The following DDR2 variants were observed in gnomAD, a reference collection of about 807,000 sequenced individuals.
DDR2 encodes discoidin domain-containing receptor 2.
A neutral mutation model predicts 94.9 loss-of-function variants in DDR2; 27 were observed. The ratio of observed to expected loss-of-function variants is 0.28; its 90% confidence interval spans 0.21 to 0.39. The LOEUF (loss-of-function observed/expected upper bound fraction) is 0.39. DDR2 is among the 10% of genes least tolerant of loss of function. The probability of loss-of-function intolerance (pLI) is 1.00; values close to 1 mark genes in which losing one functional copy is unlikely to be tolerated. For missense variants in DDR2, 783 were observed against 1,076.0 expected, an observed-to-expected ratio of 0.73 and a Z score of 3.81; for synonymous variants, 382 against 377.2, an observed-to-expected ratio of 1.01 and a Z score of -0.15.
chr1:162,651,258 C>G (rs545004501), intron 1 of DDR2, among the ~76,000 whole-genome samples: 3 of 152,300 alleles, frequency 2.0e-5, no homozygotes, highest in African/African-American at 4.8e-5. Flanking sequence ...GTTTTCCCAC[C>G]TCAATCATCT....
intron 2 of DDR2, among the ~76,000 whole-genome samples, chr1:162,694,077 T>C (rs2101981756): frequency 6.6e-6 from 1 of 152,322 alleles, no homozygotes; most frequent in Middle Eastern, 3.4e-3. Context: ...GGTTTCACCA[T>C]GTTGGCCAGG....
At chr1:162,689,972 T>C (rs1218393911) in intron 2 of DDR2, among the ~76,000 whole-genome samples, 3 of 147,760 alleles carry the variant, frequency 2.0e-5, no homozygotes, top group South Asian at 4.3e-4. Flanking sequence ...GCTGAGATCA[T>C]GACACTGCAC....
chr1:162,635,313 A>G (rs374323966), intron 1 of DDR2, among the ~76,000 whole-genome samples: 1 of 151,716 alleles, frequency 6.6e-6, no homozygotes. Flanking sequence ...TGGAGCGGCC[A>G]CCCCCCATAC....
rs528731348 is a variant in DDR2 at position 162,670,349 on chromosome 1, G to T, written c.-28+14975G>T. Reference sequence around the variant, plus strand: ...TCTGGAACTCCTGACCTCGTGATCTGCCTGCCTTGGCCTCCCAAGGTACTG... The same window carrying T: ...TCTGGAACTCCTGACCTCGTGATCTTCCTGCCTTGGCCTCCCAAGGTACTG... On this transcript the variant is annotated intron_variant, in intron 2 of 17. Transcript: ENST00000367921. 3.9e-5 allele frequency among the ~76,000 whole-genome samples: 6 copies of T among 152,260 alleles called. No homozygotes were observed. The East Asian group carries it at 1.2e-3, about 29-fold the overall frequency.
intron 2 of DDR2, among the ~76,000 whole-genome samples, chr1:162,675,405 G>A (rs1040026177): frequency 6.6e-5 from 10 of 152,136 alleles, no homozygotes; most frequent in South Asian, 4.1e-4. Flanking sequence ...GGACGATGGC[G>A]GGACATGGAA....
chr1:162,662,852 T>C (rs1471101484), intron 2 of DDR2, among the ~76,000 whole-genome samples: 1 of 151,782 alleles, frequency 6.6e-6, no homozygotes, highest in Non-Finnish European at 1.5e-5. Flanking sequence ...TATGTGGAGG[T>C]GTCCTAGTCC....
intron 2 of DDR2, among the ~76,000 whole-genome samples, chr1:162,715,795 A>G (rs1163238015): frequency 6.6e-6 from 1 of 152,244 alleles, no homozygotes; most frequent in Non-Finnish European, 1.5e-5. Context: ...GATTCGTAGT[A>G]GAAGTACATG....
chr1:162,667,102 T>C (rs574865512), intron 2 of DDR2, among the ~76,000 whole-genome samples: 5 of 152,214 alleles, frequency 3.3e-5, no homozygotes, highest in African/African-American at 1.2e-4. Flanking sequence ...TTTTGAATGA[T>C]GGCAGAATCA....
intron 2 of DDR2, among the ~76,000 whole-genome samples, chr1:162,674,821 A>T (rs1225133619): frequency 6.6e-6 from 1 of 152,150 alleles, no homozygotes; most frequent in African/African-American, 2.4e-5. Context: ...ACTGGGAGGG[A>T]TAAAAATGGC....
chr1:162,751,115 A>G (rs1015527918), intron 3 of DDR2, among the ~76,000 whole-genome samples: 7 of 152,098 alleles, frequency 4.6e-5, no homozygotes, highest in South Asian at 2.1e-4. Flanking sequence ...AACACCAAAA[A>G]CAATGGCAAC....
At chr1:162,635,543 G>A (rs562420399) in intron 1 of DDR2, among the ~76,000 whole-genome samples, 7 of 152,100 alleles carry the variant, frequency 4.6e-5, no homozygotes, top group African/African-American at 1.2e-4. Flanking sequence ...TGACCTGTCC[G>A]CAACACAGAC....
In DDR2 at chr1:162,783,603, T is replaced by C. The variant is rs1186359566; in HGVS notation, c.*3357T>C. ...TTTTGAAAGGGAATAGGAAAGTAAG[T>C]GTCTTGAAGTAAAAGATAAATATGG... On this transcript the variant is annotated 3_prime_UTR_variant, in exon 18 of 18. Coordinates refer to ENST00000367921, the MANE Select transcript of DDR2 (RefSeq NM_006182.4). 6.6e-6 allele frequency: 1 copy of C among 152,128 alleles called. No homozygotes were observed. Among genetic ancestry groups the C allele is most frequent in the Non-Finnish European group, 1.5e-5 (1 of 68,018 alleles). The allele number at this position is 152,128 out of a possible 1,614,324, so 9.4% of individuals were successfully genotyped here.
intron 10 of DDR2, 96 bp from the exon 11 acceptor site, chr1:162,767,133 G>C: frequency 6.4e-7 from 1 of 1,562,316 alleles, no homozygotes; most frequent in African/African-American, 1.4e-5. Context: ...TATCCTCAAG[G>C]AACAGGGTCT....
intron 3 of DDR2, among the ~76,000 whole-genome samples, chr1:162,724,368 G>A (rs954142850): frequency 2.6e-5 from 4 of 152,150 alleles, no homozygotes; most frequent in African/African-American, 7.2e-5. Context: ...TTGAGGGACA[G>A]CCTGAGGCCA....
Position 162,727,922 on chromosome 1 carries a change from CAGGA to C in DDR2, c.82+8778_82+8781del, listed in dbSNP as rs1267335240. 9.4e-4 allele frequency among the ~76,000 whole-genome samples: 138 copies of C among 146,428 alleles called. 3 individuals are homozygous for C. In the South Asian group the frequency reaches 0.011, roughly 11 times the overall value. On this transcript the variant is annotated intron_variant, in intron 3 of 17. Coordinates refer to ENST00000367921, the MANE Select transcript of DDR2 (RefSeq NM_006182.4). ...CCATACTCTTCAGAGACCCACAGGC[CAGGA>C]CCAAGAGCTAAGTCGACAATCACAC...
At chr1:162,702,484 C>T (rs578132718) in intron 2 of DDR2, among the ~76,000 whole-genome samples, 5 of 152,116 alleles carry the variant, frequency 3.3e-5, no homozygotes, top group African/African-American at 1.2e-4. Flanking sequence ...TTCATGTGTG[C>T]GACTCTGAGT....
intron 7 of DDR2, among the ~76,000 whole-genome samples, chr1:162,758,650 C>A (rs1663572787): frequency 6.6e-6 from 1 of 152,100 alleles, no homozygotes; most frequent in African/African-American, 2.4e-5. Flanking sequence ...GTGGATAAGG[C>A]CAGTCAAATT....
intron 9 of DDR2, among the ~76,000 whole-genome samples, chr1:162,763,857 G>C (rs745788474): frequency 6.6e-6 from 1 of 152,036 alleles, no homozygotes; most frequent in South Asian, 2.1e-4. Context: ...GATTTTATAC[G>C]TTCATCTCTA....
chr1:162,771,582 C>CT (rs1330697900), intron 12 of DDR2, among the ~76,000 whole-genome samples: 2 of 152,078 alleles, frequency 1.3e-5, no homozygotes, highest in Non-Finnish European at 2.9e-5. Context: ...TATTTTAAGG[C>CT]TTTTTTAAGT....
Sources: gnomAD v4.1 joint callset for allele counts (sites outside exome capture counted in the v4.1 genomes callset) on GRCh38, gnomAD v4.1.1 for gene constraint, MANE v1.5 for transcripts, NCBI Gene and HGNC (gene_info 2026-07-23, HGNC 2026-07-21) for gene names.